OCA2: variants seen among roughly 807,000 people sequenced by gnomAD.
The protein encoded by OCA2 is P protein.
Under a neutral mutation model 100.2 loss-of-function variants are expected in OCA2, and 77 were observed. The ratio of observed to expected loss-of-function variants is 0.77; its 90% CI spans 0.64 to 0.93. The LOEUF is 0.93. Ranked by LOEUF, OCA2 falls within the 40% of genes least tolerant of loss-of-function variation. The pLI is 0.00. For synonymous variants in OCA2, 432 were observed against 439.2 expected, an observed-to-expected ratio of 0.98 and a Z score of 0.21; for missense variants, 1,062 against 1,089.1, an observed-to-expected ratio of 0.98 and a Z score of 0.35.
At chr15:28,079,995 A>T (rs2044568255) in intron 2 of OCA2, among the ~76,000 whole-genome samples, 1 of 152,174 alleles carries the variant, frequency 6.6e-6, no homozygotes, top group East Asian at 1.9e-4. Flanking sequence ...AAGTGAGGTC[A>T]AAGAACTTGG....
chr15:27,762,668 C>T (rs187650935), intron 23 of OCA2, among the ~76,000 whole-genome samples: 1 of 152,276 alleles, frequency 6.6e-6, no homozygotes, highest in Admixed American at 6.5e-5. Flanking sequence ...TGTCACCCTC[C>T]TTAAGACACC....
chr15:27,862,280 C>G (rs2036164615), intron 21 of OCA2, among the ~76,000 whole-genome samples: 1 of 151,624 alleles, frequency 6.6e-6, no homozygotes. Context: ...TCGTCAGCCT[C>G]AAGTCCTCAC....
chr15:27,992,332 C>T (rs1362151002), intron 9 of OCA2, among the ~76,000 whole-genome samples: 1 of 152,190 alleles, frequency 6.6e-6, no homozygotes, highest in African/African-American at 2.4e-5. Flanking sequence ...AACTCCTGAC[C>T]TCAGGTGATC....
chr15:27,768,336 G>A (rs907864474), intron 23 of OCA2, among the ~76,000 whole-genome samples: 1 of 152,202 alleles, frequency 6.6e-6, no homozygotes, highest in Non-Finnish European at 1.5e-5. Context: ...CAGGTCCAGA[G>A]AGAATCGAGT....
intron 23 of OCA2, among the ~76,000 whole-genome samples, chr15:27,807,906 T>TCCA (rs1250963462): frequency 6.6e-6 from 1 of 152,148 alleles, no homozygotes; most frequent in East Asian, 1.9e-4. Flanking sequence ...AACCGTCAGC[T>TCCA]CCACGAGGGC....
At chr15:27,920,092 T>A (rs1031455721) in intron 19 of OCA2, among the ~76,000 whole-genome samples, 1 of 152,102 alleles carries the variant, frequency 6.6e-6, no homozygotes, top group Non-Finnish European at 1.5e-5. Context: ...ATGTCAGATA[T>A]AAATACTACC....
At chr15:28,060,864 T>C (rs1228854264) in intron 2 of OCA2, among the ~76,000 whole-genome samples, 1 of 152,182 alleles carries the variant, frequency 6.6e-6, no homozygotes, top group Non-Finnish European at 1.5e-5. Context: ...ACTGGCACTA[T>C]TGGAGCTGTC....
At chr15:27,770,969 C>CTTTT (rs1180032687) in intron 23 of OCA2, among the ~76,000 whole-genome samples, 4 of 53,926 alleles carry the variant, frequency 7.4e-5, no homozygotes, top group Non-Finnish European at 2.0e-4. Flanking sequence ...CTTCCTCCCT[C>CTTTT]CCTTCCTTTC....
intron 23 of OCA2, among the ~76,000 whole-genome samples, chr15:27,780,115 T>G (rs1487615134): frequency 1.3e-5 from 2 of 152,142 alleles, no homozygotes; most frequent in Non-Finnish European, 2.9e-5. Flanking sequence ...ATGTGTCTGA[T>G]CCCTACATGC....
intron 19 of OCA2, among the ~76,000 whole-genome samples, chr15:27,902,802 G>A (rs377133578): frequency 2.9e-4 from 44 of 152,334 alleles, no homozygotes; most frequent in African/African-American, 1.0e-3. Context: ...ACGTGCAGCC[G>A]ACCTGGCCTT....
chr15:27,818,039 T>G (rs1277268201), intron 23 of OCA2, among the ~76,000 whole-genome samples: 1 of 152,306 alleles, frequency 6.6e-6, no homozygotes, highest in African/African-American at 2.4e-5. Flanking sequence ...ATTTAACATT[T>G]ATTGGAAAAC....
At chr15:27,828,091 G>A (rs2034804586) in intron 23 of OCA2, among the ~76,000 whole-genome samples, 1 of 152,182 alleles carries the variant, frequency 6.6e-6, no homozygotes, top group Non-Finnish European at 1.5e-5. Context: ...CAGGTGAAGT[G>A]AGGTTGGAGC....
At chr15:27,945,408 T>C (rs1048558668) in intron 18 of OCA2, among the ~76,000 whole-genome samples, 4 of 152,186 alleles carry the variant, frequency 2.6e-5, no homozygotes, top group African/African-American at 9.7e-5. Context: ...GCAAGCACTA[T>C]TCTGCCATGA....
chr15:27,871,880 T>C lies in OCA2; in HGVS notation c.2122A>G (p.Thr708Ala), dbSNP rs1270742157. 2 of 1,606,796 alleles carry C rather than the reference T, an allele frequency of 1.2e-6. No homozygotes were observed. The highest frequency in any genetic ancestry group is 2.7e-5 in the African/African-American group (2 of 74,728). ...TATTTTACCTTTATTAGCAAAGCAG[T>C]TTGTTCTCCAACATATTCTATTAAG... ...LHLIEYVGEQ[T>A]ALLIKMVPEE... Residue 708 changes from threonine (T) to alanine (A), a missense_variant, in exon 20 of 24, where the codon ACT becomes GCT. Coordinates refer to ENST00000354638, the MANE Select transcript of OCA2 (RefSeq NM_000275.3).
intron 23 of OCA2, among the ~76,000 whole-genome samples, chr15:27,773,739 A>G (rs894216089): frequency 3.3e-5 from 5 of 152,250 alleles, no homozygotes; most frequent in African/African-American, 1.2e-4. Flanking sequence ...TAACTTTAGT[A>G]GACATGTGAA....
intron 9 of OCA2, among the ~76,000 whole-genome samples, chr15:28,001,166 T>G (rs1250196628): frequency 6.6e-6 from 1 of 152,154 alleles, no homozygotes; most frequent in Admixed American, 6.5e-5. Flanking sequence ...CCATGTTCAT[T>G]GCAACCTTAT....
the OCA2 span, among the ~76,000 whole-genome samples, chr15:27,724,217 C>T: frequency 6.6e-6 from 1 of 152,166 alleles, no homozygotes; most frequent in Non-Finnish European, 1.5e-5. Flanking sequence ...ATACAGCCGA[C>T]TTTTATTGTC....
intron 13 of OCA2, among the ~76,000 whole-genome samples, chr15:27,984,858 C>T (rs955362300): frequency 2.6e-5 from 4 of 152,234 alleles, no homozygotes; most frequent in Non-Finnish European, 5.9e-5. Context: ...ATTTCTGCCA[C>T]CAGCTTCTGA....
the OCA2 span, among the ~76,000 whole-genome samples, chr15:27,724,084 C>T: frequency 3.9e-5 from 6 of 152,196 alleles, no homozygotes; most frequent in African/African-American, 1.2e-4. Context: ...GCTGGAATCA[C>T]AGGCAGAGGT....
Sources: gnomAD v4.1 joint callset for allele counts (sites outside exome capture counted in the v4.1 genomes callset) on GRCh38, gnomAD v4.1.1 for gene constraint, MANE v1.5 for transcripts, NCBI Gene and HGNC (gene_info 2026-07-23, HGNC 2026-07-21) for gene names.